RALGPS2: variants seen among roughly 807,000 people sequenced by gnomAD.
RALGPS2 encodes the protein ras-specific guanine nucleotide-releasing factor RalGPS2.
A neutral mutation model predicts 86.8 loss-of-function variants in RALGPS2; 43 were observed. That is an observed-to-expected ratio of 0.50 (90% CI 0.39 to 0.64). The LOEUF (loss-of-function observed/expected upper bound fraction) is 0.64. RALGPS2 is among the 30% of genes least tolerant of loss of function. RALGPS2 has a pLI of 0.00. For missense variants in RALGPS2, 536 were observed against 694.6 expected, an observed-to-expected ratio of 0.77 and a Z score of 2.57; for synonymous variants, 243 against 231.3, an observed-to-expected ratio of 1.05 and a Z score of -0.46.
intron 10 of RALGPS2, among the ~76,000 whole-genome samples, chr1:178,880,296 A>G (rs1050896414): frequency 2.0e-5 from 3 of 152,198 alleles, no homozygotes; most frequent in South Asian, 2.1e-4. Context: ...GTAAATGGCT[A>G]TAGAAATTCT....
chr1:178,809,741 T>C (rs1242682875), intron 5 of RALGPS2, among the ~76,000 whole-genome samples: 2 of 152,096 alleles, frequency 1.3e-5, no homozygotes, highest in African/African-American at 2.4e-5. Context: ...GCTGGATTTA[T>C]TACATAGTAG....
chr1:178,917,572 A>G lies in RALGPS2; in HGVS notation c.*1213A>G, dbSNP rs1162396242. 6.6e-6 allele frequency: 1 copy of G among 152,188 alleles called. No individual in the cohort carries two copies. The highest frequency in any genetic ancestry group is 1.5e-5 in the Non-Finnish European group (1 of 68,008). The allele number at this position is 152,188 out of a possible 1,614,324, so 9.4% of individuals were successfully genotyped here. The stretch of plus-strand genomic sequence containing the variant: ...TCTAAACTTTATACTTGTATGATTT[A>G]CCATAAACATACCAAAACATTTTTC... On this transcript the variant is annotated 3_prime_UTR_variant, in exon 20 of 20. Transcript: ENST00000367635.
chr1:178,894,080 A>G (rs1572458625), intron 16 of RALGPS2, 56 bp downstream of exon 16: 2 of 1,044,708 alleles, frequency 1.9e-6, no homozygotes, highest in East Asian at 5.1e-5. Context: ...CAAATTTATA[A>G]GACTCTGTAA....
intron 1 of RALGPS2, among the ~76,000 whole-genome samples, chr1:178,762,248 G>A (rs924847639): frequency 4.6e-5 from 7 of 152,054 alleles, no homozygotes; most frequent in Non-Finnish European, 8.8e-5. Flanking sequence ...TCTTTATTCA[G>A]TCTACCGTTA....
chr1:178,869,738 T>A (rs1014712199), intron 8 of RALGPS2, among the ~76,000 whole-genome samples: 1 of 152,152 alleles, frequency 6.6e-6, no homozygotes, highest in African/African-American at 2.4e-5. Context: ...TTGTTCAAGA[T>A]TCTTAACCAT....
chr1:178,879,159 T>C (rs575729797), intron 10 of RALGPS2, 167 bp downstream of exon 10: 3 of 926,836 alleles, frequency 3.2e-6, no homozygotes, highest in African/African-American at 1.7e-5. Context: ...TCACTTGTTA[T>C]GATTGAGCCA....
chr1:178,861,310 T>C (rs1327562297), intron 8 of RALGPS2, among the ~76,000 whole-genome samples: 1 of 152,146 alleles, frequency 6.6e-6, no homozygotes, highest in Non-Finnish European at 1.5e-5. Flanking sequence ...ACAGAAAAAG[T>C]TATCTGCCCT....
Position 178,745,728 on chromosome 1 carries a change from A to G in RALGPS2, c.-84+20309A>G, listed in dbSNP as rs138973280. Among the ~76,000 whole-genome samples the G allele has an allele frequency of 5.3e-3, 814 of 152,268 alleles. 8 individuals carry two copies. The highest frequency in any genetic ancestry group is 0.019 in the African/African-American group (780 of 41,544). ...GAGTCAAGCAAAATTATTTTTAGTTACAACACCAAAAGCATGATCCTTAAA... is the reference window on the plus strand; with the variant it reads ...GAGTCAAGCAAAATTATTTTTAGTTGCAACACCAAAAGCATGATCCTTAAA... On this transcript the variant is annotated intron_variant, in intron 1 of 19. Coordinates refer to ENST00000367635, the MANE Select transcript of RALGPS2 (RefSeq NM_152663.5).
At chr1:178,905,439 T>C (rs766859982) in intron 18 of RALGPS2, among the ~76,000 whole-genome samples, 13 of 152,226 alleles carry the variant, frequency 8.5e-5, no homozygotes, top group Non-Finnish European at 1.8e-4. Context: ...ATTGTAGATA[T>C]GGCTTTTTTT....
intron 8 of RALGPS2, among the ~76,000 whole-genome samples, chr1:178,859,232 GT>G (rs1222272991): frequency 6.6e-6 from 1 of 151,706 alleles, no homozygotes; most frequent in East Asian, 1.9e-4. Flanking sequence ...TAGTTTTTTT[GT>G]TTTGTATTAA....
At chr1:178,840,354 A>G (rs1409380616) in intron 8 of RALGPS2, among the ~76,000 whole-genome samples, 7 of 152,112 alleles carry the variant, frequency 4.6e-5, no homozygotes, top group African/African-American at 1.4e-4. Context: ...AACTCACTCA[A>G]AATCGCTCAA....
At chr1:178,812,689 G>C (rs559780649) in intron 6 of RALGPS2, among the ~76,000 whole-genome samples, 1 of 152,220 alleles carries the variant, frequency 6.6e-6, no homozygotes, top group South Asian at 2.1e-4. Flanking sequence ...CATTACTCTT[G>C]TAATAAATAC....
At chr1:178,839,533 A>G (rs1041787013) in intron 8 of RALGPS2, among the ~76,000 whole-genome samples, 10 of 152,122 alleles carry the variant, frequency 6.6e-5, no homozygotes, top group African/African-American at 2.2e-4. Flanking sequence ...GGAAAGGAAC[A>G]ACTGGTACCA....
At position 178,877,599 on chromosome 1, in the gene RALGPS2, C is replaced by T. The variant is rs2102363921; in HGVS notation, c.709C>T (p.Arg237Ter). 3.7e-6 allele frequency: 6 copies of T among 1,613,286 alleles called. No individual in the cohort carries two copies. The highest frequency in any genetic ancestry group is 5.1e-6 in the Non-Finnish European group (6 of 1,179,480). The change falls in exon 9 of 20, where the codon CGA (arginine) becomes TGA (stop). Residue 237 changes from arginine to a stop codon, truncating the protein, a stop_gained. Transcript: ENST00000367635. LOFTEE classifies it high-confidence loss of function. ...ATCAAATTTAATGAATAATATCCTT[C>T]GAATAATTTCTGATTTACAGCAGTC... ...QRSNLMNNIL[R>*]IISDLQQSCE...
chr1:178,884,862 T>G (rs1042527750), intron 11 of RALGPS2, among the ~76,000 whole-genome samples: 4 of 152,230 alleles, frequency 2.6e-5, no homozygotes, highest in African/African-American at 9.6e-5. Context: ...ATATTTACAC[T>G]GCCTCTACTT....
chr1:178,806,285 T>C (rs1279382988), intron 4 of RALGPS2, among the ~76,000 whole-genome samples: 2 of 152,204 alleles, frequency 1.3e-5, no homozygotes, highest in Admixed American at 6.5e-5. Flanking sequence ...TTGTGTTGGA[T>C]ATAGAATTCT....
chr1:178,813,943 A>G (rs1315646558), intron 6 of RALGPS2, among the ~76,000 whole-genome samples: 2 of 152,216 alleles, frequency 1.3e-5, no homozygotes, highest in Non-Finnish European at 2.9e-5. Context: ...TGACACATCA[A>G]ACTTACCATC....
At chr1:178,760,357 C>T (rs1652172864) in intron 1 of RALGPS2, among the ~76,000 whole-genome samples, 2 of 152,188 alleles carry the variant, frequency 1.3e-5, no homozygotes, top group Non-Finnish European at 2.9e-5. Flanking sequence ...TTTTATAAAT[C>T]TGGGTGCTCT....
intron 1 of RALGPS2, among the ~76,000 whole-genome samples, chr1:178,765,551 G>A (rs925344715): frequency 6.6e-6 from 1 of 152,190 alleles, no homozygotes; most frequent in Admixed American, 6.5e-5. Context: ...AATTGTTAAT[G>A]AAGTTTCGGG....
Sources: gnomAD v4.1 joint callset for allele counts (sites outside exome capture counted in the v4.1 genomes callset) on GRCh38, gnomAD v4.1.1 for gene constraint, MANE v1.5 for transcripts, NCBI Gene and HGNC (gene_info 2026-07-23, HGNC 2026-07-21) for gene names.